Variants in ECI1 observed in about 807,000 individuals in gnomAD.
The protein encoded by ECI1 is enoyl-CoA delta isomerase 1.
ECI1 carries 34 observed loss-of-function variants against 34.2 expected under a neutral mutation model. The observed-to-expected ratio is 1.00, with a 90% CI of 0.76 to 1.33. The LOEUF (loss-of-function observed/expected upper bound fraction) is 1.33, where lower values mean the gene tolerates loss of function less well. ECI1 is among the 40% of genes most tolerant of loss of function. ECI1 has a pLI of 0.00. For synonymous variants in ECI1, 211 were observed against 193.0 expected (o/e 1.09, Z -0.77); for missense variants, 456 against 422.2 (o/e 1.08, Z -0.70).
intron 2 of ECI1, among the ~76,000 whole-genome samples, chr16:2,250,434 C>T (rs1018309897): frequency 2.6e-5 from 4 of 152,112 alleles, no homozygotes; most frequent in African/African-American, 9.7e-5. Context: ...GGGCACAGCC[C>T]TGAGTCTGGG....
At chr16:2,240,192 T>C (rs754116280) in intron 6 of ECI1, 47 bp from the exon 7 acceptor site, 2 of 1,596,786 alleles carry the variant, frequency 1.3e-6, no homozygotes, top group East Asian at 4.5e-5. Context: ...TCAGGGGCAG[T>C]GGGGTGATTC....
In ECI1 at chr16:2,251,501, C is replaced by G; in HGVS notation, c.52+14G>C. On this transcript the variant is annotated intron_variant, in intron 1 of 6. Transcript: ENST00000301729. ...CGGCCCCGGCCCGATCCCTGCCCAC[C>G]CCGGGTTTCGCACCCGCGCGGAGCA... is the stretch of plus-strand genomic sequence containing the variant. 1 of 1,558,906 alleles carries G rather than the reference C, an allele frequency of 6.4e-7. No homozygotes were observed.
intron 2 of ECI1, among the ~76,000 whole-genome samples, chr16:2,250,917 A>AT (rs138830436): frequency 0.11 from 16,605 of 152,180 alleles, 1,173 homozygotes; most frequent in Middle Eastern, 0.16. Context: ...CACCTCCCAG[A>AT]TTCCAGCGAT....
Position 2,243,580 on chromosome 16 carries a change from G to C in ECI1, c.442-141C>G, listed in dbSNP as rs553008402. The C allele has an allele frequency of 3.1e-5, 32 of 1,041,948 alleles. No individual in the cohort carries two copies. In the Middle Eastern group the frequency reaches 1.5e-3, roughly 47 times the overall value. The allele number at this position is 1,041,948 out of a possible 1,614,324, so 64.5% of individuals were successfully genotyped here. A position where few individuals can be genotyped will look rare whatever the true frequency, so the allele number is the denominator to read the frequency against. ...TTCAACACCCACAATGGTCTGGGCT[G>C]GGCTGGGTGTGCACTGGGAAATGGA... On this transcript the variant is annotated intron_variant, in intron 4 of 6. Coordinates refer to ENST00000301729, the MANE Select transcript of ECI1 (RefSeq NM_001919.4).
chr16:2,249,759 T>TC (rs2093548465), intron 2 of ECI1, among the ~76,000 whole-genome samples: 1 of 150,366 alleles, frequency 6.7e-6, no homozygotes, highest in African/African-American at 2.4e-5. Context: ...GCGCCTGTAG[T>TC]CCCAGCTACT....
Position 2,246,951 on chromosome 16 carries a change from T to C in ECI1, c.202A>G (p.Asn68Asp). The part of the protein sequence containing the change: ...AVMKFKNPPV[N>D]SLSLEFLTEL... ...GTCAGAAACTCCAGGCTCAGGCTGT[T>C]CACTGGGGGGTTCTTGAATTTCATC... is the stretch of plus-strand genomic sequence containing the variant. Residue 68 changes from asparagine (N) to aspartate (D), a missense_variant, in exon 3 of 7, where the codon AAC becomes GAC. Transcript: ENST00000301729. 6.2e-7 allele frequency: 1 copy of C among 1,613,786 alleles called. No individual in the cohort carries two copies. The highest frequency in any genetic ancestry group is 8.5e-7 in the Non-Finnish European group (1 of 1,180,000).
Position 2,251,549 on chromosome 16 carries a change from A to C in ECI1, c.18T>G (p.Ser6=), listed in dbSNP as rs1278694791. The C allele has an allele frequency of 6.4e-7, 1 of 1,559,642 alleles. No individual in the cohort carries two copies. Among genetic ancestry groups the C allele is most frequent in the Non-Finnish European group, 8.7e-7 (1 of 1,152,878 alleles). Residue 6 remains serine, a synonymous_variant, in exon 1 of 7, where the codon TCT becomes TCG. Coordinates refer to ENST00000301729, the MANE Select transcript of ECI1 (RefSeq NM_001919.4). ...GCAGAACGCGCGCCGGGACTCGCAC[A>C]GAAGCCACCAGCGCCATCTTGACCG... MALVA[S]VRVPARVLLR...
chr16:2,244,602 G>C, intron 3 of ECI1, 50 bp from the exon 4 acceptor site: 1 of 1,550,986 alleles, frequency 6.4e-7, no homozygotes, highest in Non-Finnish European at 8.7e-7. Context: ...CCTCCCAGCT[G>C]GCATCACAGC....
intron 6 of ECI1, chr16:2,241,485 CG>C (rs1209741586): frequency 6.6e-6 from 1 of 151,724 alleles, no homozygotes; most frequent in East Asian, 1.9e-4. Flanking sequence ...TTAGTAGAGA[CG>C]GGGTTTTGCC....
intron 2 of ECI1, 104 bp from the exon 3 acceptor site, chr16:2,247,090 TTTTA>T (rs2093542232): frequency 6.6e-6 from 9 of 1,362,438 alleles, no homozygotes; most frequent in Non-Finnish European, 9.1e-6. Context: ...ATTTTGGGGG[TTTTA>T]TTTATTAATT....
At chr16:2,243,596 G>A (rs564755554) in intron 4 of ECI1, among the ~76,000 whole-genome samples, 157 bp from the exon 5 acceptor site, 2 of 152,192 alleles carry the variant, frequency 1.3e-5, no homozygotes, top group Non-Finnish European at 2.9e-5. Flanking sequence ...GGTGTGCACT[G>A]GGAAATGGAT....
In ECI1 at chr16:2,239,903, T is replaced by G; in HGVS notation, c.*76A>C. Reference sequence around the variant, plus strand: ...TGAAACGCTGGCAGTACTTTTAAGTTGAAAAATACCTTGTTTAAGACCTCC... The same window carrying G: ...TGAAACGCTGGCAGTACTTTTAAGTGGAAAAATACCTTGTTTAAGACCTCC... On this transcript the variant is annotated 3_prime_UTR_variant, in exon 7 of 7. Coordinates refer to ENST00000301729, the MANE Select transcript of ECI1 (RefSeq NM_001919.4). The G allele has an allele frequency of 6.7e-7, 1 of 1,496,792 alleles. No individual in the cohort carries two copies. The highest frequency in any genetic ancestry group is 1.1e-5 in the South Asian group (1 of 88,414). 92.7% of individuals were successfully genotyped at this position (1,496,792 alleles called of 1,614,324 possible). A position where few individuals can be genotyped will look rare whatever the true frequency, so the allele number is the denominator to read the frequency against.
chr16:2,251,471 G>A, intron 1 of ECI1, 42 bp from the exon 2 acceptor site: 1 of 1,537,524 alleles, frequency 6.5e-7, no homozygotes. Flanking sequence ...TCCCGGTCCT[G>A]GCCCCGGCCC....
chr16:2,245,856 A>T (rs1196962097), intron 3 of ECI1, among the ~76,000 whole-genome samples: 1 of 152,140 alleles, frequency 6.6e-6, no homozygotes, highest in Non-Finnish European at 1.5e-5. Flanking sequence ...CAAAAATTTT[A>T]AAAATTTTCA....
chr16:2,239,837 G>T lies in ECI1; in HGVS notation c.*142C>A. The T allele has an allele frequency of 2.2e-6, 2 of 914,538 alleles. No homozygotes were observed. Among genetic ancestry groups the T allele is most frequent in the East Asian group, 2.5e-5 (1 of 39,770 alleles). The allele number at this position is 914,538 out of a possible 1,614,324, so 56.7% of individuals were successfully genotyped here. A position where few individuals can be genotyped will look rare whatever the true frequency, so the allele number is the denominator to read the frequency against. ...GTGTGTGGCTGGGCCTTGGGCCACT[G>T]GGCTATGAGGAACAGGAACTTCTAC... On this transcript the variant is annotated 3_prime_UTR_variant, in exon 7 of 7. Transcript: ENST00000301729.
intron 2 of ECI1, among the ~76,000 whole-genome samples, chr16:2,248,137 C>T (rs2093544741): frequency 6.6e-6 from 1 of 152,078 alleles, no homozygotes; most frequent in Admixed American, 6.6e-5. Context: ...TCGCTCGTCG[C>T]CCAGGCTGGA....
In ECI1 at chr16:2,251,445, G is replaced by T; in HGVS notation, c.53-16C>A. On this transcript the variant is annotated splice_polypyrimidine_tract_variant and intron_variant, in intron 1 of 6. Coordinates refer to ENST00000301729, the MANE Select transcript of ECI1 (RefSeq NM_001919.4). ...AGCCGGGCCCCTGCGAAGGCAGCGT[G>T]GGGGAGCCCGTTAGTTCCCGGTCCT... 2.7e-6 allele frequency: 4 copies of T among 1,498,326 alleles called. No individual in the cohort carries two copies. The highest frequency in any genetic ancestry group is 2.7e-6 in the Non-Finnish European group (3 of 1,125,222). 92.8% of individuals were successfully genotyped at this position (1,498,326 alleles called of 1,614,324 possible).
chr16:2,246,515 G>A (rs559805511), intron 3 of ECI1, among the ~76,000 whole-genome samples: 17 of 152,214 alleles, frequency 1.1e-4, no homozygotes, highest in Middle Eastern at 3.4e-3. Flanking sequence ...CCAGGAAGGC[G>A]GTCTCCCAGG....
chr16:2,245,277 T>C (rs1018807041), intron 3 of ECI1, among the ~76,000 whole-genome samples: 2 of 152,158 alleles, frequency 1.3e-5, no homozygotes, highest in African/African-American at 2.4e-5. Context: ...CCCAAGGCTG[T>C]GGGTGAACTT....
Sources: allele counts gnomAD v4.1 joint callset (sites outside exome capture counted in the v4.1 genomes callset), GRCh38; gene constraint gnomAD v4.1.1; transcripts MANE v1.5; gene names NCBI Gene and HGNC (gene_info 2026-07-23, HGNC 2026-07-21).